SLC35D4: variants seen among roughly 807,000 people sequenced by gnomAD.
SLC35D4 encodes the protein solute carrier family 35 member D4, also known as UDP-N-acetylglucosamine transporter SLC35D4.
the SLC35D4 span, among the ~76,000 whole-genome samples, chr18:23,245,334 C>T: frequency 6.6e-6 from 1 of 151,988 alleles, no homozygotes; most frequent in Non-Finnish European, 1.5e-5. Flanking sequence ...ATGGCGAAAC[C>T]CCATCTCTAC....
At chr18:23,317,472 C>T in the SLC35D4 span, among the ~76,000 whole-genome samples, 1 of 152,200 alleles carries the variant, frequency 6.6e-6, no homozygotes, top group Non-Finnish European at 1.5e-5. Flanking sequence ...CACCATTTTA[C>T]ATTTCCACCA....
At chr18:23,337,592 T>C in the SLC35D4 span, among the ~76,000 whole-genome samples, 1 of 152,206 alleles carries the variant, frequency 6.6e-6, no homozygotes, top group Non-Finnish European at 1.5e-5. Context: ...GTTTTACCAA[T>C]GGTCTTGGAG....
chr18:23,409,997 CAT>C, the SLC35D4 span, among the ~76,000 whole-genome samples: 20 of 152,002 alleles, frequency 1.3e-4, no homozygotes, highest in Non-Finnish European at 2.4e-4. Context: ...TATGGGATGA[CAT>C]GTGTAGGTTA....
chr18:23,368,755 G>A, the SLC35D4 span: 1 of 1,448,990 alleles, frequency 6.9e-7, no homozygotes, highest in Non-Finnish European at 9.6e-7. Context: ...ATGTCACTAA[G>A]GAATGAGAGA....
At chr18:23,389,974 G>T in the SLC35D4 span, among the ~76,000 whole-genome samples, 1 of 152,118 alleles carries the variant, frequency 6.6e-6, no homozygotes, top group Non-Finnish European at 1.5e-5. Flanking sequence ...TTATCTTTAA[G>T]GAGTCAAGTT....
chr18:23,375,962 C>T, the SLC35D4 span, among the ~76,000 whole-genome samples: 6 of 152,152 alleles, frequency 3.9e-5, no homozygotes, highest in South Asian at 6.2e-4. Context: ...TAAAAGAAGG[C>T]GCCAGAAAGC....
the SLC35D4 span, chr18:23,377,723 CCTCTTAAAAG>C: frequency 6.9e-7 from 1 of 1,455,950 alleles, no homozygotes; most frequent in Non-Finnish European, 9.1e-7. Context: ...TTTTTAAATT[CCTCTTAAAAG>C]GAAACATTTT....
the SLC35D4 span, chr18:23,253,053 A>C: frequency 6.2e-7 from 1 of 1,609,052 alleles, no homozygotes. Context: ...GCTGACACTC[A>C]GCAAAATTAG....
the SLC35D4 span, among the ~76,000 whole-genome samples, chr18:23,304,672 C>T: frequency 7.9e-5 from 12 of 152,040 alleles, no homozygotes; most frequent in Middle Eastern, 3.2e-3. Flanking sequence ...CCATTTGTGT[C>T]ACCCCTCCCC....
At chr18:23,378,196 T>C in the SLC35D4 span, among the ~76,000 whole-genome samples, 3 of 151,088 alleles carry the variant, frequency 2.0e-5, no homozygotes, top group Non-Finnish European at 4.4e-5. Context: ...TCTTTCTTTC[T>C]TTCTTTTTTT....
At chr18:23,392,184 T>C in the SLC35D4 span, among the ~76,000 whole-genome samples, 33 of 152,154 alleles carry the variant, frequency 2.2e-4, no homozygotes, top group African/African-American at 7.9e-4. Flanking sequence ...GTGATCCACC[T>C]GCCTTGGCCT....
chr18:23,266,834 C>T, the SLC35D4 span, among the ~76,000 whole-genome samples: 2 of 152,226 alleles, frequency 1.3e-5, no homozygotes, highest in Admixed American at 6.5e-5. Context: ...CAGCGGCACC[C>T]GCCCTGCAGA....
the SLC35D4 span, among the ~76,000 whole-genome samples, chr18:23,307,975 A>G: frequency 6.6e-6 from 1 of 151,986 alleles, no homozygotes; most frequent in East Asian, 1.9e-4. Flanking sequence ...CCCACACCCA[A>G]CTGTCTCCTG....
the SLC35D4 span, among the ~76,000 whole-genome samples, chr18:23,426,345 G>C: frequency 6.6e-6 from 1 of 151,932 alleles, no homozygotes; most frequent in Non-Finnish European, 1.5e-5. Flanking sequence ...AAAATATAAA[G>C]AATTTATTAA....
the SLC35D4 span, among the ~76,000 whole-genome samples, chr18:23,262,907 C>G: frequency 1.3e-5 from 2 of 152,240 alleles, no homozygotes; most frequent in Non-Finnish European, 2.9e-5. Flanking sequence ...GGCACCAGAA[C>G]AGGCTAGTGA....
chr18:23,298,103 C>T, the SLC35D4 span: 101 of 1,612,792 alleles, frequency 6.3e-5, 1 homozygote, highest in Non-Finnish European at 8.2e-5. Context: ...TCTCCACTCC[C>T]CCGGGACCCC....
At chr18:23,298,293 C>T in the SLC35D4 span, among the ~76,000 whole-genome samples, 6 of 152,212 alleles carry the variant, frequency 3.9e-5, no homozygotes, top group African/African-American at 1.4e-4. Context: ...GGCTCGATAC[C>T]TTCCCTTGGG....
chr18:23,276,145 T>A, the SLC35D4 span, among the ~76,000 whole-genome samples: 553 of 151,886 alleles, frequency 3.6e-3, 3 homozygotes, highest in African/African-American at 0.012. Context: ...TGGAGTGCAG[T>A]GGCGCAATCT....
chr18:23,395,372 C>A, the SLC35D4 span, among the ~76,000 whole-genome samples: 5 of 152,194 alleles, frequency 3.3e-5, no homozygotes, highest in African/African-American at 1.2e-4. Flanking sequence ...CATCAACATC[C>A]CCCTACCGCA....
Sources: allele counts gnomAD v4.1 joint callset (sites outside exome capture counted in the v4.1 genomes callset), GRCh38; gene constraint gnomAD v4.1.1; transcripts MANE v1.5; gene names NCBI Gene and HGNC (gene_info 2026-07-23, HGNC 2026-07-21).